The following SLC2A5 variants were observed in gnomAD, a reference collection of about 807,000 sequenced individuals.
SLC2A5 encodes the protein solute carrier family 2 member 5.
A neutral mutation model predicts 50.3 loss-of-function variants in SLC2A5; 56 were observed. The ratio of observed to expected loss-of-function variants is 1.11; its 90% confidence interval spans 0.90 to 1.39. The LOEUF (loss-of-function observed/expected upper bound fraction) is 1.39, where lower values mean the gene tolerates loss of function less well. Ranked by LOEUF, SLC2A5 falls within the 40% of genes most tolerant of loss-of-function variation. SLC2A5 has a pLI of 0.00. For missense variants in SLC2A5, 566 were observed against 650.1 expected, an observed-to-expected ratio of 0.87 and a Z score of 1.41; for synonymous variants, 269 against 281.9, an observed-to-expected ratio of 0.95 and a Z score of 0.46.
intron 1 of SLC2A5, among the ~76,000 whole-genome samples, chr1:9,087,865 G>A (rs1418282180): frequency 5.3e-5 from 8 of 151,624 alleles, no homozygotes; most frequent in Non-Finnish European, 1.2e-4. Context: ...TCTCTTCCTC[G>A]TGTGCCTCCA....
Position 9,039,782 on chromosome 1 carries a change from C to A in SLC2A5, c.885+18G>T. The A allele has an allele frequency of 6.6e-7, 1 of 1,506,838 alleles. No individual in the cohort carries two copies. Among genetic ancestry groups the A allele is most frequent in the Non-Finnish European group, 8.9e-7 (1 of 1,127,522 alleles). 93.3% of individuals were successfully genotyped at this position (1,506,838 alleles called of 1,614,324 possible). On this transcript the variant is annotated intron_variant, in intron 7 of 11. Transcript: ENST00000377424. ...CCCCGAGCCCTCCCCAGCTCCCGAG[C>A]CGCAGCCCGGCCCATACAGCGTTGA...
intron 1 of SLC2A5, among the ~76,000 whole-genome samples, chr1:9,063,176 C>T (rs1238809842): frequency 6.6e-6 from 1 of 152,122 alleles, no homozygotes; most frequent in Non-Finnish European, 1.5e-5. Context: ...TTTGTCTTCC[C>T]GTGCCTGGCT....
At position 9,059,271 on chromosome 1, in the gene SLC2A5, T is replaced by C. The variant is rs1641843143; in HGVS notation, c.34-1021A>G. On this transcript the variant is annotated intron_variant, in intron 1 of 11. Coordinates refer to ENST00000377424, the MANE Select transcript of SLC2A5 (RefSeq NM_003039.3). ...CATTCTCCTGCCTTAGCCTCCCAAA[T>C]AGCTGGGACTACAGGCACCCGCCAC... Among the ~76,000 whole-genome samples, 4 of 147,752 alleles carry C rather than the reference T, an allele frequency of 2.7e-5. 1 individual carries two copies. The South Asian group carries it at 6.7e-4, about 25-fold the overall frequency.
intron 9 of SLC2A5, 127 bp downstream of exon 9, chr1:9,038,701 C>T (rs1641208709): frequency 7.2e-7 from 1 of 1,396,868 alleles, no homozygotes; most frequent in Non-Finnish European, 9.6e-7. Context: ...GATGTCTGGC[C>T]AGTTGTATTT....
chr1:9,038,802 C>T, intron 9 of SLC2A5, 26 bp downstream of exon 9: 1 of 1,551,434 alleles, frequency 6.4e-7, no homozygotes, highest in Middle Eastern at 1.7e-4. Flanking sequence ...CAGCTCCGGG[C>T]TCCTGGGACC....
chr1:9,071,115 C>T (rs1191367194), upstream of SLC2A5, among the ~76,000 whole-genome samples: 1 of 152,022 alleles, frequency 6.6e-6, no homozygotes, highest in Non-Finnish European at 1.5e-5. Flanking sequence ...CAATCCAACA[C>T]AAAGAAGAAT....
At chr1:9,074,761 C>T (rs1450514444) in intron 2 of SLC2A5, among the ~76,000 whole-genome samples, 2 of 152,126 alleles carry the variant, frequency 1.3e-5, no homozygotes, top group Non-Finnish European at 2.9e-5. Flanking sequence ...GAAGCGCTTT[C>T]TCCTGTAATC....
At position 9,037,359 on chromosome 1, in the gene SLC2A5, G is replaced by C; in HGVS notation, c.*227C>G. The C allele has an allele frequency of 1.9e-6, 1 of 523,048 alleles. No homozygotes were observed. The highest frequency in any genetic ancestry group is 2.2e-5 in the South Asian group (1 of 46,024). 32.4% of individuals were successfully genotyped at this position (523,048 alleles called of 1,614,324 possible). On this transcript the variant is annotated 3_prime_UTR_variant, in exon 12 of 12. Coordinates refer to ENST00000377424, the MANE Select transcript of SLC2A5 (RefSeq NM_003039.3). The stretch of plus-strand genomic sequence containing the variant: ...AAAGTGGAGGACCAGCTGTTTAATT[G>C]ACTCGGGTCTGGTGACAGGCCAACA...
intron 1 of SLC2A5, among the ~76,000 whole-genome samples, chr1:9,059,173 T>C (rs12354239): frequency 0.7 from 80,378 of 115,218 alleles, 29,506 homozygotes; most frequent in East Asian, 0.96. Context: ...CACAGAGTCT[T>C]GCTCTGTCAC....
At chr1:9,054,529 C>T (rs1335412824) in intron 3 of SLC2A5, among the ~76,000 whole-genome samples, 1 of 152,100 alleles carries the variant, frequency 6.6e-6, no homozygotes, top group Non-Finnish European at 1.5e-5. Flanking sequence ...TGACTTTCCA[C>T]TTGGAAAAAT....
At chr1:9,061,601 G>T (rs2124427899) in intron 1 of SLC2A5, among the ~76,000 whole-genome samples, 1 of 83,668 alleles carries the variant, frequency 1.2e-5, no homozygotes, top group African/African-American at 5.0e-5. Context: ...ATGAGACCCT[G>T]TCTCAAAAAA....
In SLC2A5 at chr1:9,056,207, C is replaced by T. The variant is rs535635922; in HGVS notation, c.293+1241G>A. ...TTTTTTGTTTGTTTGTTTTTTGAGA[C>T]GGAGTTTCGCTCTTGTTGCCCAGGC... On this transcript the variant is annotated intron_variant, in intron 3 of 11. Transcript: ENST00000377424. Among the ~76,000 whole-genome samples the T allele has an allele frequency of 5.3e-5, 8 of 152,178 alleles. No individual in the cohort carries two copies. In the East Asian group the frequency reaches 1.2e-3, roughly 22 times the overall value.
At chr1:9,061,118 C>T (rs1433703244) in intron 1 of SLC2A5, among the ~76,000 whole-genome samples, 4 of 151,514 alleles carry the variant, frequency 2.6e-5, no homozygotes, top group Non-Finnish European at 5.9e-5. Context: ...AACCTCGTCT[C>T]TACTAAAAAT....
At chr1:9,043,526 C>G (rs1475268272) in intron 4 of SLC2A5, among the ~76,000 whole-genome samples, 1 of 152,018 alleles carries the variant, frequency 6.6e-6, no homozygotes, top group African/African-American at 2.4e-5. Context: ...GCTGTGTCCT[C>G]ACCACTTAAC....
chr1:9,051,736 A>AATTTTTTTAG (rs1250747263), intron 3 of SLC2A5, among the ~76,000 whole-genome samples: 4 of 152,166 alleles, frequency 2.6e-5, no homozygotes, highest in Non-Finnish European at 4.4e-5. Context: ...ATAAAATTAA[A>AATTTTTTTAG]CATATGCTTA....
chr1:9,088,764 T>C (rs113642255), upstream of SLC2A5, among the ~76,000 whole-genome samples: 6,280 of 152,016 alleles, frequency 0.041, 273 homozygotes, highest in African/African-American at 0.1. Flanking sequence ...GCCTGGGTGA[T>C]AGAGCAAGAC....
In SLC2A5 at chr1:9,060,625, A is replaced by C. The variant is rs193000417; in HGVS notation, c.34-2375T>G. ...GAAATACACACACCACACACACCAC[A>C]CATACACACATACAGCCCACACACC... On this transcript the variant is annotated intron_variant, in intron 1 of 11. Coordinates refer to ENST00000377424, the MANE Select transcript of SLC2A5 (RefSeq NM_003039.3). 1.2e-3 allele frequency among the ~76,000 whole-genome samples: 133 copies of C among 110,100 alleles called. 1 individual carries two copies. The highest frequency in any genetic ancestry group is 3.6e-3 in the South Asian group (11 of 3,082). The allele number at this position is 110,100 out of a possible 152,430, so 72.2% of individuals were successfully genotyped here.
intron 1 of SLC2A5, among the ~76,000 whole-genome samples, chr1:9,066,397 G>C (rs1642084135): frequency 6.6e-6 from 1 of 151,982 alleles, no homozygotes; most frequent in South Asian, 2.1e-4. Flanking sequence ...CCCATGCCCA[G>C]CTAATTTTTG....
At chr1:9,072,862 T>C (rs1429285445), upstream of SLC2A5, among the ~76,000 whole-genome samples, 1 of 150,474 alleles carries the variant, frequency 6.6e-6, no homozygotes, top group African/African-American at 2.4e-5. Flanking sequence ...CTTGGGAGGC[T>C]GAAGTAGGAG....
Sources: allele counts gnomAD v4.1 joint callset (sites outside exome capture counted in the v4.1 genomes callset), GRCh38; gene constraint gnomAD v4.1.1; transcripts MANE v1.5; gene names NCBI Gene and HGNC (gene_info 2026-07-23, HGNC 2026-07-21).